The following COL23A1 variants were observed in gnomAD, a reference collection of about 807,000 sequenced individuals.
COL23A1 encodes collagen type XXIII alpha 1 chain.
A neutral mutation model predicts 99.3 loss-of-function variants in COL23A1; 97 were observed. The observed-to-expected ratio is 0.98, with a 90% CI of 0.83 to 1.16. COL23A1 has a LOEUF of 1.16. COL23A1 is among the 50% of genes most tolerant of loss of function. COL23A1 has a pLI of 0.00. For synonymous variants in COL23A1, 320 were observed against 308.2 expected (o/e 1.04, Z -0.40); for missense variants, 762 against 757.4 (o/e 1.01, Z -0.07).
intron 18 of COL23A1, 102 bp from the exon 19 acceptor site, chr5:178,249,308 C>G (rs1286848055): frequency 8.7e-7 from 1 of 1,147,924 alleles, no homozygotes; most frequent in African/African-American, 1.5e-5. Flanking sequence ...GCCCCACTTT[C>G]TCTTTGTGGG....
At chr5:178,426,466 G>A (rs188095454) in intron 2 of COL23A1, among the ~76,000 whole-genome samples, 44 of 152,280 alleles carry the variant, frequency 2.9e-4, no homozygotes, top group African/African-American at 1.0e-3. Flanking sequence ...ACACTCCCAC[G>A]CATGTCCCAC....
intron 2 of COL23A1, among the ~76,000 whole-genome samples, chr5:178,371,398 G>A (rs1762793461): frequency 6.6e-6 from 1 of 152,170 alleles, no homozygotes; most frequent in Non-Finnish European, 1.5e-5. Context: ...CAGCAGGGAG[G>A]ACGACTGGAG....
intron 2 of COL23A1, among the ~76,000 whole-genome samples, chr5:178,521,178 G>A (rs896716491): frequency 6.6e-6 from 1 of 152,142 alleles, no homozygotes; most frequent in African/African-American, 2.4e-5. Flanking sequence ...TAATCTTACG[G>A]GACCACCATC....
chr5:178,512,711 G>A (rs1003787939), intron 2 of COL23A1, among the ~76,000 whole-genome samples: 1 of 152,170 alleles, frequency 6.6e-6, no homozygotes, highest in Non-Finnish European at 1.5e-5. Flanking sequence ...CCATTCTGCC[G>A]TAATCTGCAA....
rs1434642131 is a variant in COL23A1, at chr5:178,468,618, C to T, written c.361+92064G>A. On this transcript the variant is annotated intron_variant, in intron 2 of 28. Coordinates refer to ENST00000390654, the MANE Select transcript of COL23A1 (RefSeq NM_173465.4). The surrounding 1 kb of genome is among the most constrained non-coding windows in gnomAD (Gnocchi z 4.2). Reference sequence around the variant, plus strand: ...CAGCTTCCCCTCCCCTCGAGTCCCCCCAGGCAGCCTGGAGGGAAGGGCCGG... The same window carrying T: ...CAGCTTCCCCTCCCCTCGAGTCCCCTCAGGCAGCCTGGAGGGAAGGGCCGG... Among the ~76,000 whole-genome samples, 2 of 152,112 alleles carry T rather than the reference C, an allele frequency of 1.3e-5. No homozygotes were observed. Among genetic ancestry groups the T allele is most frequent in the Non-Finnish European group, 2.9e-5 (2 of 68,012 alleles).
At chr5:178,259,791 A>C in intron 11 of COL23A1, 44 bp from the exon 12 acceptor site, 1 of 1,566,228 alleles carries the variant, frequency 6.4e-7, no homozygotes, top group Non-Finnish European at 8.7e-7. Context: ...TCAAAACCAT[A>C]GGAGAGTGGC....
chr5:178,520,488 G>A (rs766985065), intron 2 of COL23A1, among the ~76,000 whole-genome samples: 7 of 152,170 alleles, frequency 4.6e-5, no homozygotes, highest in Admixed American at 2.0e-4. Context: ...GGGCTCTGTC[G>A]ATGTGTTTGG....
At chr5:178,497,137 C>T (rs771917618) in intron 2 of COL23A1, among the ~76,000 whole-genome samples, 1 of 152,104 alleles carries the variant, frequency 6.6e-6, no homozygotes, top group Non-Finnish European at 1.5e-5. Context: ...AGTACTGCTA[C>T]CAAAAGAAGC....
intron 2 of COL23A1, among the ~76,000 whole-genome samples, chr5:178,326,668 A>G (rs1233392492): frequency 6.6e-6 from 1 of 151,500 alleles, no homozygotes; most frequent in African/African-American, 2.4e-5. Context: ...ACGTTCCCCC[A>G]CCTCATCATT....
At chr5:178,467,126 C>T (rs138026627) in intron 2 of COL23A1, among the ~76,000 whole-genome samples, 2 of 152,320 alleles carry the variant, frequency 1.3e-5, no homozygotes, top group East Asian at 1.9e-4. Flanking sequence ...GTGGACTGAA[C>T]CCTGAGCTGG....
chr5:178,437,892 G>A (rs562446867), intron 2 of COL23A1, among the ~76,000 whole-genome samples: 1 of 152,202 alleles, frequency 6.6e-6, no homozygotes, highest in East Asian at 1.9e-4. Context: ...GGGATGTGGG[G>A]TCAGCCTCGG....
At chr5:178,522,328 C>T (rs1234143997) in intron 2 of COL23A1, among the ~76,000 whole-genome samples, 1 of 152,142 alleles carries the variant, frequency 6.6e-6, no homozygotes, top group Non-Finnish European at 1.5e-5. Context: ...ACCTTAGAAT[C>T]GTGTTTTGGT....
intron 1 of COL23A1, among the ~76,000 whole-genome samples, chr5:178,569,079 C>T (rs1454567108): frequency 6.6e-6 from 1 of 152,150 alleles, no homozygotes; most frequent in African/African-American, 2.4e-5. Context: ...CACATTTTTG[C>T]CAAAAGATCC....
intron 1 of COL23A1, among the ~76,000 whole-genome samples, chr5:178,583,017 C>T (rs1387637164): frequency 1.3e-5 from 2 of 152,212 alleles, no homozygotes; most frequent in Admixed American, 6.5e-5. Context: ...CCTGGCCCTG[C>T]GTGCTCTTCC....
In COL23A1 at chr5:178,443,435, A is replaced by G. The variant is rs557364148; in HGVS notation, c.361+117247T>C. The stretch of plus-strand genomic sequence containing the variant: ...AAACGAAAATCTTCTTCTTCTGGGG[A>G]TGTCCAGTTCTGTAAATTTTTTGTT... On this transcript the variant is annotated intron_variant, in intron 2 of 28. Transcript: ENST00000390654. 4.6e-5 allele frequency among the ~76,000 whole-genome samples: 7 copies of G among 152,234 alleles called. No homozygotes were observed. In the South Asian group the frequency reaches 1.5e-3, roughly 32 times the overall value.
chr5:178,569,020 T>C (rs553177593), intron 1 of COL23A1, among the ~76,000 whole-genome samples: 3 of 152,384 alleles, frequency 2.0e-5, no homozygotes, highest in East Asian at 3.9e-4. Flanking sequence ...CCACAGTGGC[T>C]GAGTCATTTT....
chr5:178,459,674 A>C (rs1756007210), intron 2 of COL23A1, among the ~76,000 whole-genome samples: 1 of 152,188 alleles, frequency 6.6e-6, no homozygotes, highest in African/African-American at 2.4e-5. Context: ...AGGCAGGAGA[A>C]TCGCTTGAAC....
At chr5:178,585,749 T>TCCAC (rs1562115741) in intron 1 of COL23A1, among the ~76,000 whole-genome samples, 3 of 151,406 alleles carry the variant, frequency 2.0e-5, no homozygotes, top group Non-Finnish European at 2.9e-5. Flanking sequence ...TGGCTGACCC[T>TCCAC]GTTGGTTGCT....
At chr5:178,285,979 A>G (rs1242234554) in intron 5 of COL23A1, among the ~76,000 whole-genome samples, 2 of 152,206 alleles carry the variant, frequency 1.3e-5, no homozygotes, top group African/African-American at 2.4e-5. Flanking sequence ...GGAGTGGCCC[A>G]GGTGGTGGTG....
Sources: allele counts gnomAD v4.1 joint callset (sites outside exome capture counted in the v4.1 genomes callset), GRCh38; gene constraint gnomAD v4.1.1; non-coding constraint Gnocchi (gnomAD v3.1); transcripts MANE v1.5; gene names NCBI Gene and HGNC (gene_info 2026-07-23, HGNC 2026-07-21).